The following SYT1 variants were observed in gnomAD, a reference collection of about 807,000 sequenced individuals.
SYT1 encodes synaptotagmin 1.
SYT1 carries 8 observed loss-of-function variants against 44.8 expected under a neutral mutation model. That is an observed-to-expected ratio of 0.18 (90% CI 0.10 to 0.32). SYT1 has a LOEUF of 0.32. Among genes scored for constraint, SYT1 ranks in the 10% least tolerant of loss-of-function variants. The pLI is 1.00. For missense variants in SYT1, 286 were observed against 509.3 expected (o/e 0.56, Z 4.22); for synonymous variants, 154 against 188.8 (o/e 0.82, Z 1.51).
intron 1 of SYT1, among the ~76,000 whole-genome samples, chr12:78,957,093 G>C (rs1206822934): frequency 6.6e-6 from 1 of 152,154 alleles, no homozygotes; most frequent in Non-Finnish European, 1.5e-5. Flanking sequence ...GTTTGAGGGA[G>C]ACTGATGGGC....
chr12:79,449,473 T>C lies in SYT1; in HGVS notation c.*349T>C. 4.6e-6 allele frequency: 1 copy of C among 219,768 alleles called. No individual in the cohort carries two copies. Among genetic ancestry groups the C allele is most frequent in the African/African-American group, 2.3e-5 (1 of 43,234 alleles). 13.6% of individuals were successfully genotyped at this position (219,768 alleles called of 1,614,324 possible). A position where few individuals can be genotyped will look rare whatever the true frequency, so the allele number is the denominator to read the frequency against. ...GTAAGCGTTTCCTAATCTGTGTATA[T>C]CTAGATGTTTTTAATAAGATGTTCT... On this transcript the variant is annotated 3_prime_UTR_variant, in exon 11 of 11. Transcript: ENST00000261205.
At chr12:79,182,432 C>G (rs1872594881) in intron 3 of SYT1, among the ~76,000 whole-genome samples, 2 of 151,996 alleles carry the variant, frequency 1.3e-5, no homozygotes. Context: ...ATAAAGTCTA[C>G]TTGAGTAATT....
At chr12:79,356,899 A>G (rs1366403968) in intron 9 of SYT1, among the ~76,000 whole-genome samples, 1 of 152,218 alleles carries the variant, frequency 6.6e-6, no homozygotes, top group Non-Finnish European at 1.5e-5. Flanking sequence ...TGGGATAAAT[A>G]TGCAACATGG....
intron 2 of SYT1, among the ~76,000 whole-genome samples, chr12:78,999,092 C>T (rs1870560539): frequency 6.6e-6 from 1 of 152,142 alleles, no homozygotes; most frequent in Admixed American, 6.5e-5. Context: ...TCTGCCCTAT[C>T]AACTAACCAA....
chr12:79,404,680 A>G (rs1885183376), intron 9 of SYT1, among the ~76,000 whole-genome samples: 2 of 152,216 alleles, frequency 1.3e-5, no homozygotes, highest in South Asian at 4.1e-4. Flanking sequence ...AGGTTTCAGC[A>G]CATAAGATGC....
chr12:79,311,304 A>G (rs1289157232), intron 8 of SYT1, among the ~76,000 whole-genome samples: 3 of 152,280 alleles, frequency 2.0e-5, no homozygotes, highest in African/African-American at 7.2e-5. Context: ...AATGCAAATC[A>G]AAACTGCAAT....
intron 3 of SYT1, among the ~76,000 whole-genome samples, chr12:79,055,072 A>T (rs557070564): frequency 1.4e-4 from 22 of 152,042 alleles, no homozygotes; most frequent in African/African-American, 4.8e-4. Flanking sequence ...CTTATTAACT[A>T]TGGGATGTAG....
intron 8 of SYT1, among the ~76,000 whole-genome samples, chr12:79,349,033 A>AAAAGAAAG (rs764396345): frequency 8.3e-6 from 1 of 120,212 alleles, no homozygotes; most frequent in South Asian, 2.8e-4. Flanking sequence ...GAAAGAAAGA[A>AAAAGAAAG]AAAGAAAGAA....
At chr12:79,332,393 G>A (rs533288639) in intron 8 of SYT1, among the ~76,000 whole-genome samples, 92 of 152,242 alleles carry the variant, frequency 6.0e-4, no homozygotes, top group African/African-American at 2.2e-3. Flanking sequence ...AAACTAAATC[G>A]TTTCTGCAGA....
At chr12:78,890,554 A>G (rs1449472448) in intron 1 of SYT1, among the ~76,000 whole-genome samples, 1 of 151,822 alleles carries the variant, frequency 6.6e-6, no homozygotes, top group African/African-American at 2.4e-5. Flanking sequence ...AATAATAATA[A>G]TAATAATGTA....
intron 9 of SYT1, among the ~76,000 whole-genome samples, chr12:79,400,420 A>C (rs1245768080): frequency 6.6e-6 from 1 of 152,140 alleles, no homozygotes; most frequent in African/African-American, 2.4e-5. Context: ...TCTTCCTAGA[A>C]CTTCTGGCTT....
intron 2 of SYT1, among the ~76,000 whole-genome samples, chr12:79,021,975 T>C (rs1377221027): frequency 1.3e-5 from 2 of 151,774 alleles, no homozygotes; most frequent in African/African-American, 2.4e-5. Flanking sequence ...TAAAAATTTC[T>C]GATTTACTTT....
At chr12:79,192,991 G>C (rs929517748) in intron 3 of SYT1, among the ~76,000 whole-genome samples, 9 of 152,096 alleles carry the variant, frequency 5.9e-5, no homozygotes, top group African/African-American at 1.9e-4. Flanking sequence ...ATTAAGGGCA[G>C]TTCCATTCAG....
intron 2 of SYT1, among the ~76,000 whole-genome samples, chr12:79,015,007 A>T (rs979482028): frequency 6.6e-6 from 1 of 152,032 alleles, no homozygotes; most frequent in Non-Finnish European, 1.5e-5. Context: ...TGGGAATTGA[A>T]CAATGAGAAC....
At position 79,249,088 on chromosome 12, in the gene SYT1, C is replaced by CTTTTTTTTTTTTTT. The variant is rs58983623; in HGVS notation, c.166+31417_166+31430dup. Among the ~76,000 whole-genome samples the CTTTTTTTTTTTTTT allele has an allele frequency of 1.7e-3, 125 of 71,822 alleles. 22 individuals are homozygous for CTTTTTTTTTTTTTT. The highest frequency in any genetic ancestry group is 2.3e-3 in the African/African-American group (37 of 16,228). The allele number at this position is 71,822 out of a possible 152,430, so 47.1% of individuals were successfully genotyped here. A position where few individuals can be genotyped will look rare whatever the true frequency, so the allele number is the denominator to read the frequency against. On this transcript the variant is annotated intron_variant, in intron 4 of 10. Coordinates refer to ENST00000261205, the MANE Select transcript of SYT1 (RefSeq NM_005639.3). ...TATTCCCTCTTCTCTTTACCTCTTTCTTTTTTTTTTTTTTTTTTTTTTTTT... is the reference window on the plus strand; with the variant it reads ...TATTCCCTCTTCTCTTTACCTCTTTCTTTTTTTTTTTTTTTTTTTTTTTTTTTTTTTTTTTTTTT...
chr12:78,951,366 A>G (rs1418308364), intron 1 of SYT1, among the ~76,000 whole-genome samples: 1 of 152,150 alleles, frequency 6.6e-6, no homozygotes, highest in Non-Finnish European at 1.5e-5. Context: ...CAAATTACAC[A>G]TAGAATCAAT....
chr12:79,088,012 T>C (rs777052211), intron 3 of SYT1, among the ~76,000 whole-genome samples: 1 of 152,090 alleles, frequency 6.6e-6, no homozygotes, highest in Non-Finnish European at 1.5e-5. Context: ...CCAATATTTA[T>C]TGAGTGCCTA....
chr12:79,287,547 C>T (rs983138432), intron 5 of SYT1, among the ~76,000 whole-genome samples: 2 of 151,980 alleles, frequency 1.3e-5, no homozygotes, highest in Non-Finnish European at 2.9e-5. Flanking sequence ...ATTGTGAAAA[C>T]AATAATTTGA....
chr12:79,148,288 C>G (rs1870049639), intron 3 of SYT1, among the ~76,000 whole-genome samples: 1 of 152,070 alleles, frequency 6.6e-6, no homozygotes, highest in Non-Finnish European at 1.5e-5. Context: ...TCTGTTAAAA[C>G]TTTTATGAAA....
Sources: allele counts gnomAD v4.1 joint callset (sites outside exome capture counted in the v4.1 genomes callset), GRCh38; gene constraint gnomAD v4.1.1; transcripts MANE v1.5; gene names NCBI Gene and HGNC (gene_info 2026-07-23, HGNC 2026-07-21).